GLRA3: variants seen among roughly 807,000 people sequenced by gnomAD.
GLRA3 encodes glycine receptor alpha 3.
In GLRA3, 44 loss-of-function variants were observed where a neutral mutation model predicts 60.4. That is an observed-to-expected ratio of 0.73 (90% CI 0.57 to 0.94). GLRA3 has a LOEUF of 0.94. Among genes scored for constraint, GLRA3 ranks in the 40% least tolerant of loss-of-function variants. The probability of loss-of-function intolerance (pLI) is 0.00; values close to 1 mark genes in which losing one functional copy is unlikely to be tolerated. For synonymous variants in GLRA3, 223 were observed against 192.9 expected (o/e 1.16, Z -1.29); for missense variants, 508 against 564.6 (o/e 0.90, Z 1.02).
intron 4 of GLRA3, among the ~76,000 whole-genome samples, chr4:174,717,111 C>T (rs1216763896): frequency 6.7e-6 from 1 of 149,564 alleles, no homozygotes; most frequent in Non-Finnish European, 1.5e-5. Context: ...ACTCAGGAAG[C>T]TGAGGTGAGA....
chr4:174,802,142 A>G (rs1739838297), intron 1 of GLRA3, among the ~76,000 whole-genome samples: 2 of 152,018 alleles, frequency 1.3e-5, no homozygotes. Flanking sequence ...TTGACACTAG[A>G]GAAGGTCTAA....
At chr4:174,771,139 G>A (rs1037762934) in intron 2 of GLRA3, among the ~76,000 whole-genome samples, 3 of 150,752 alleles carry the variant, frequency 2.0e-5, no homozygotes, top group Non-Finnish European at 3.0e-5. Flanking sequence ...GCTAAATGAC[G>A]AGTTAATGGG....
At chr4:174,767,340 T>C (rs189184834) in intron 2 of GLRA3, among the ~76,000 whole-genome samples, 22 of 152,202 alleles carry the variant, frequency 1.4e-4, no homozygotes, top group Admixed American at 1.4e-3. Context: ...CATTCAGGGA[T>C]AGTTTCTATT....
chr4:174,729,125 C>T (rs1736453004), intron 3 of GLRA3, among the ~76,000 whole-genome samples: 1 of 152,146 alleles, frequency 6.6e-6, no homozygotes, highest in African/African-American at 2.4e-5. Flanking sequence ...AAGAAAAGAC[C>T]ACAATTTATC....
At chr4:174,676,614 G>A (rs1734127550) in intron 7 of GLRA3, among the ~76,000 whole-genome samples, 1 of 151,938 alleles carries the variant, frequency 6.6e-6, no homozygotes. Flanking sequence ...TGTGTGATAT[G>A]TATAGACACA....
chr4:174,778,827 CG>C, intron 2 of GLRA3, among the ~76,000 whole-genome samples: 1 of 152,112 alleles, frequency 6.6e-6, no homozygotes, highest in Non-Finnish European at 1.5e-5. Context: ...TCCTACCCCA[CG>C]GAGTCTCGCT....
At chr4:174,749,595 G>T (rs914150061) in intron 3 of GLRA3, among the ~76,000 whole-genome samples, 2 of 152,102 alleles carry the variant, frequency 1.3e-5, no homozygotes, top group Admixed American at 6.6e-5. Flanking sequence ...AATGTCACAG[G>T]CATGAGGGAG....
intron 3 of GLRA3, among the ~76,000 whole-genome samples, chr4:174,744,760 C>T (rs181610044): frequency 3.3e-5 from 5 of 152,134 alleles, no homozygotes; most frequent in East Asian, 1.9e-4. Flanking sequence ...AGAAATATGA[C>T]GCCTTCAAGG....
Position 174,642,362 on chromosome 4 carries a change from T to G in GLRA3, c.*1424A>C. On this transcript the variant is annotated 3_prime_UTR_variant, in exon 10 of 10. Transcript: ENST00000274093. ...CTTTAAAGTTTTCTCTGTGAATAATTTGGTGGACTGAGTTTGTGCATCTGA... is the reference window on the plus strand; with the variant it reads ...CTTTAAAGTTTTCTCTGTGAATAATGTGGTGGACTGAGTTTGTGCATCTGA... 16 of 975,996 alleles carry G rather than the reference T, an allele frequency of 1.6e-5. No homozygotes were observed. Among genetic ancestry groups the G allele is most frequent in the Non-Finnish European group, 1.9e-5 (16 of 821,510 alleles). The allele number at this position is 975,996 out of a possible 1,614,324, so 60.5% of individuals were successfully genotyped here.
intron 7 of GLRA3, among the ~76,000 whole-genome samples, chr4:174,666,518 G>T (rs1733667881): frequency 6.6e-6 from 1 of 151,890 alleles, no homozygotes; most frequent in South Asian, 2.1e-4. Flanking sequence ...TCCAGGAAGA[G>T]ATCAGCTTGA....
chr4:174,763,796 G>A (rs1008117523), intron 3 of GLRA3, among the ~76,000 whole-genome samples: 1 of 152,238 alleles, frequency 6.6e-6, no homozygotes, highest in Middle Eastern at 3.4e-3. Context: ...AGTAATGATG[G>A]TAAACTAGTT....
At chr4:174,683,707 A>C (rs1734446702) in intron 5 of GLRA3, among the ~76,000 whole-genome samples, 1 of 152,170 alleles carries the variant, frequency 6.6e-6, no homozygotes, top group East Asian at 1.9e-4. Flanking sequence ...AATTATATAC[A>C]GATTGCTCAA....
chr4:174,693,895 C>A (rs148760318), intron 5 of GLRA3, among the ~76,000 whole-genome samples: 1 of 152,048 alleles, frequency 6.6e-6, no homozygotes, highest in Non-Finnish European at 1.5e-5. Context: ...GGAGGAAAAT[C>A]TACCAAGCAA....
chr4:174,790,383 A>AT lies in GLRA3; in HGVS notation c.72-1441dup, dbSNP rs921101638. ...CAAAAATCATTATAATAATAAATATATTTTTTTAAAAAAACCTATCTTCTC... is the reference window on the plus strand; with the variant it reads ...CAAAAATCATTATAATAATAAATATATTTTTTTTAAAAAAACCTATCTTCTC... On this transcript the variant is annotated intron_variant, in intron 1 of 9. Transcript: ENST00000274093. Among the ~76,000 whole-genome samples the AT allele has an allele frequency of 2.3e-4, 30 of 127,702 alleles. 1 individual carries two copies. Among genetic ancestry groups the AT allele is most frequent in the Admixed American group, 1.3e-3 (14 of 11,194 alleles). 83.8% of individuals were successfully genotyped at this position (127,702 alleles called of 152,430 possible).
At chr4:174,712,617 A>T (rs4602476) in intron 5 of GLRA3, 1 of 152,006 alleles carries the variant, frequency 6.6e-6, no homozygotes, top group Non-Finnish European at 1.5e-5. Flanking sequence ...CTTTTTGCCT[A>T]CTTCCCACGT....
At position 174,644,030 on chromosome 4, in the gene GLRA3, G is replaced by A; in HGVS notation, c.1151C>T (p.Thr384Ile). 6.2e-7 allele frequency: 1 copy of A among 1,613,482 alleles called. No homozygotes were observed. Among genetic ancestry groups the A allele is most frequent in the Non-Finnish European group, 8.5e-7 (1 of 1,179,680 alleles). Residue 384 changes from threonine to isoleucine, a missense_variant, in exon 10 of 10, where the codon ACA (threonine) becomes ATA (isoleucine). Transcript: ENST00000274093. Reference sequence around the variant, plus strand: ...TAGACATGGTCCCATTCCATAGGCTGTGAAGCTGAATCGGCTTTCCCTTAC... The same window carrying A: ...TAGACATGGTCCCATTCCATAGGCTATGAAGCTGAATCGGCTTTCCCTTAC... ...DEVRESRFSF[T>I]AYGMGPCLQA... is the part of the protein sequence containing the mutation.
chr4:174,684,783 C>T (rs947168116), intron 5 of GLRA3, among the ~76,000 whole-genome samples: 8 of 152,042 alleles, frequency 5.3e-5, no homozygotes, highest in African/African-American at 1.4e-4. Flanking sequence ...CGAGGCGGGC[C>T]GATCAGCTGA....
rs145776894 is a variant in GLRA3, at chr4:174,747,225, T to G, written c.268-18527A>C. ...ATCAAAGAGTTAGACAACGAGGACA[T>G]AAGGGCAGTGGTGGAAAGAGTAGTC... On this transcript the variant is annotated intron_variant, in intron 3 of 9. Coordinates refer to ENST00000274093, the MANE Select transcript of GLRA3 (RefSeq NM_006529.4). Among the ~76,000 whole-genome samples, 94 of 152,136 alleles carry G rather than the reference T, an allele frequency of 6.2e-4. 2 individuals are homozygous for G. The East Asian group carries it at 0.017, about 27-fold the overall frequency.
At chr4:174,807,176 A>G (rs1740085878) in intron 1 of GLRA3, among the ~76,000 whole-genome samples, 2 of 152,170 alleles carry the variant, frequency 1.3e-5, no homozygotes, top group South Asian at 4.1e-4. Flanking sequence ...ACGGTGTTGT[A>G]GCAATAATCA....
Sources: allele counts gnomAD v4.1 joint callset (sites outside exome capture counted in the v4.1 genomes callset), GRCh38; gene constraint gnomAD v4.1.1; transcripts MANE v1.5; gene names NCBI Gene and HGNC (gene_info 2026-07-23, HGNC 2026-07-21).